Variants in OTUD5 observed in about 807,000 individuals in gnomAD.
OTUD5 encodes OTU deubiquitinase 5.
Under a neutral mutation model 36.3 loss-of-function variants are expected in OTUD5, and 2 were observed. The ratio of observed to expected loss-of-function variants is 0.06; its 90% CI spans 0.02 to 0.17. The LOEUF (loss-of-function observed/expected upper bound fraction) is 0.17. Ranked by LOEUF, OTUD5 falls within the 10% of genes least tolerant of loss-of-function variation. OTUD5 has a pLI of 1.00. For missense variants in OTUD5, 233 were observed against 512.3 expected (o/e 0.45, Z 5.26); for synonymous variants, 234 against 214.9 (o/e 1.09, Z -0.78).
intron 2 of OTUD5, among the ~76,000 whole-genome samples, chrX:48,943,664 A>G (rs2063972158): frequency 9.0e-6 from 1 of 111,609 alleles, no homozygotes; most frequent in African/African-American, 3.3e-5. Flanking sequence ...ATACACACAG[A>G]TTGAGGAACA....
chrX:48,951,077 T>C (rs1382825673), intron 1 of OTUD5, among the ~76,000 whole-genome samples: 2 of 87,279 alleles, frequency 2.3e-5, no homozygotes, highest in Non-Finnish European at 4.2e-5. Context: ...GCCTGGAATC[T>C]CCCTTCTCAC....
chrX:48,932,273 C>T (rs1324039364), intron 5 of OTUD5, among the ~76,000 whole-genome samples: 3 of 110,083 alleles, frequency 2.7e-5, no homozygotes, highest in Non-Finnish European at 5.7e-5. Flanking sequence ...TTCTGTAAAT[C>T]TAAAACTGCT....
chrX:48,946,379 G>A (rs1407690076), intron 1 of OTUD5, among the ~76,000 whole-genome samples: 1 of 111,534 alleles, frequency 9.0e-6, no homozygotes, highest in Non-Finnish European at 1.9e-5. Flanking sequence ...TCACAGAAGG[G>A]GAGGAGATCA....
rs2063591294 is a variant in OTUD5, at chrX:48,922,061, A to T, written c.*1113T>A. On this transcript the variant is annotated 3_prime_UTR_variant, in exon 9 of 9. Coordinates refer to ENST00000376488, the MANE Select transcript of OTUD5 (RefSeq NM_001136157.2). The stretch of plus-strand genomic sequence containing the variant: ...AATAGGTCCAGAAGGAGGTTTAATA[A>T]GCAGCAAATCAAATACAAACTCCAG... 1.8e-5 allele frequency: 2 copies of T among 109,242 alleles called. No homozygotes were observed. Among genetic ancestry groups the T allele is most frequent in the African/African-American group, 6.8e-5 (2 of 29,608 alleles). The allele number at this position is 109,242 out of a possible 1,213,427, so 9.0% of individuals were successfully genotyped here.
chrX:48,923,643 G>C lies in OTUD5; in HGVS notation c.1569C>G (p.Pro523=). ...ECRALIQQMS[P]SAFGLNDWDD... is the part of the protein sequence containing the mutation. The stretch of plus-strand genomic sequence containing the variant: ...ACAAAGGAGGCTTACCAAAGGCAGA[G>C]GGGGACATCTGCTGAATGAGGGCCC... Residue 523 remains proline, a synonymous_variant, in exon 8 of 9, where the codon CCC becomes CCG. Transcript: ENST00000376488. 1 of 1,195,623 alleles carries C rather than the reference G, an allele frequency of 8.4e-7. No homozygotes were observed. The highest frequency in any genetic ancestry group is 1.1e-6 in the Non-Finnish European group (1 of 881,995).
intron 1 of OTUD5, among the ~76,000 whole-genome samples, chrX:48,950,134 C>CAA (rs782788886): frequency 1.2e-3 from 58 of 47,089 alleles, no homozygotes; most frequent in South Asian, 3.0e-3. Context: ...GATTCCACCT[C>CAA]AAAAAAAAAA....
At chrX:48,954,679 G>A in intron 1 of OTUD5, among the ~76,000 whole-genome samples, 1 of 111,744 alleles carries the variant, frequency 8.9e-6, no homozygotes, top group Middle Eastern at 4.3e-3. Context: ...TGTGGGAGGA[G>A]AATTTCCCCA....
rs1179590860 is a variant in OTUD5, at chrX:48,922,910, C to T, written c.*264G>A. ...ATCTTCGGCACCCTTGCCCGAGTCC[C>T]CTGTGGAATGCAGGGATGGTTCTGT... On this transcript the variant is annotated 3_prime_UTR_variant, in exon 9 of 9. Coordinates refer to ENST00000376488, the MANE Select transcript of OTUD5 (RefSeq NM_001136157.2). The T allele has an allele frequency of 1.5e-5, 15 of 987,605 alleles. No individual in the cohort carries two copies. Among genetic ancestry groups the T allele is most frequent in the African/African-American group, 1.2e-4 (6 of 50,371 alleles). 81.4% of individuals were successfully genotyped at this position (987,605 alleles called of 1,213,427 possible). A position where few individuals can be genotyped will look rare whatever the true frequency, so the allele number is the denominator to read the frequency against.
intron 2 of OTUD5, among the ~76,000 whole-genome samples, chrX:48,942,078 G>C (rs913807202): frequency 4.5e-5 from 5 of 110,215 alleles, no homozygotes; most frequent in African/African-American, 1.7e-4. Context: ...CCCAGTGGGA[G>C]GAAGGGTCGG....
intron 2 of OTUD5, among the ~76,000 whole-genome samples, chrX:48,937,547 A>C (rs1289043443): frequency 8.9e-6 from 1 of 112,274 alleles, no homozygotes; most frequent in Non-Finnish European, 1.9e-5. Context: ...GGAACAGGGA[A>C]GGGATCTGGG....
rs915828580 is a variant in OTUD5, at chrX:48,946,265, A to G, written c.595-1982T>C. Among the ~76,000 whole-genome samples the G allele has an allele frequency of 1.2e-4, 13 of 112,387 alleles. No individual in the cohort carries two copies. The South Asian group carries it at 1.8e-3, about 16-fold the overall frequency. The stretch of plus-strand genomic sequence containing the variant: ...TCTGTTATCACTCTCAGTTTCCTAT[A>G]GAATGGGGGATATGTTGATCTACCG... On this transcript the variant is annotated intron_variant, in intron 1 of 8. Transcript: ENST00000376488.
At chrX:48,941,494 C>T (rs2063922902) in intron 2 of OTUD5, among the ~76,000 whole-genome samples, 1 of 106,121 alleles carries the variant, frequency 9.4e-6, no homozygotes, top group Non-Finnish European at 1.9e-5. Context: ...TTGGACACCT[C>T]TGGGTTCCCA....
chrX:48,950,537 CTTTTTTTTTT>C (rs781905691), intron 1 of OTUD5, among the ~76,000 whole-genome samples: 22 of 83,074 alleles, frequency 2.6e-4, no homozygotes, highest in South Asian at 6.0e-4. Context: ...TTCTCTCTCT[CTTTTTTTTTT>C]TTTTTTTTTT....
At chrX:48,956,853 CTG>C (rs2064252546) in intron 1 of OTUD5, 122 bp downstream of exon 1, 1 of 735,672 alleles carries the variant, frequency 1.4e-6, no homozygotes, top group South Asian at 4.0e-5. Flanking sequence ...CCAGAGAAGA[CTG>C]TCAGGCCCAG....
At chrX:48,927,008 A>G (rs1201633763) in intron 5 of OTUD5, among the ~76,000 whole-genome samples, 1 of 112,375 alleles carries the variant, frequency 8.9e-6, no homozygotes, top group South Asian at 3.7e-4. Context: ...ATGCACATAT[A>G]CACATCACAC....
intron 2 of OTUD5, among the ~76,000 whole-genome samples, chrX:48,942,548 T>C (rs782263842): frequency 8.8e-4 from 97 of 110,241 alleles, no homozygotes; most frequent in Non-Finnish European, 1.3e-3. Context: ...CTTTCTTTTG[T>C]CCAAGATGCC....
At chrX:48,935,811 C>A in intron 2 of OTUD5, among the ~76,000 whole-genome samples, 1 of 108,759 alleles carries the variant, frequency 9.2e-6, no homozygotes, top group East Asian at 2.9e-4. Context: ...TGGTGGCGGG[C>A]GCCTATAATC....
intron 1 of OTUD5, among the ~76,000 whole-genome samples, chrX:48,949,868 C>A (rs782019334): frequency 2.8e-5 from 3 of 107,697 alleles, no homozygotes; most frequent in African/African-American, 1.0e-4. Flanking sequence ...AAAAGAAAAG[C>A]CCGGGCACAG....
chrX:48,939,797 G>C (rs2063889274), intron 2 of OTUD5, among the ~76,000 whole-genome samples: 1 of 112,427 alleles, frequency 8.9e-6, no homozygotes, highest in Non-Finnish European at 1.9e-5. Flanking sequence ...TTTATGTTAA[G>C]AAGCAAGACA....
Sources: allele counts gnomAD v4.1 joint callset (sites outside exome capture counted in the v4.1 genomes callset), GRCh38; gene constraint gnomAD v4.1.1; transcripts MANE v1.5; gene names NCBI Gene and HGNC (gene_info 2026-07-23, HGNC 2026-07-21).